DZANK1: variants seen among roughly 807,000 people sequenced by gnomAD.
DZANK1 encodes the protein double zinc ribbon and ankyrin repeat-containing protein 1.
DZANK1 carries 91 observed loss-of-function variants against 94.5 expected under a neutral mutation model. The observed-to-expected ratio is 0.96, with a 90% CI of 0.81 to 1.15. DZANK1 has a LOEUF of 1.15. Among genes scored for constraint, DZANK1 ranks in the 50% most tolerant of loss-of-function variants. The pLI is 0.00. For missense variants in DZANK1, 903 were observed against 916.4 expected (o/e 0.99, Z 0.19); for synonymous variants, 312 against 325.3 (o/e 0.96, Z 0.44).
rs1406305424 is a variant in DZANK1, at chr20:18,394,360, GA to G, written c.1612-11del. On this transcript the variant is annotated splice_polypyrimidine_tract_variant and intron_variant, in intron 15 of 20. Transcript: ENST00000262547. Reference sequence around the variant, plus strand: ...TGTTCAGGTAAAGGTTCTGGCCAATGAAAACATTTAAACACCATGAATGATG... The same window carrying G: ...TGTTCAGGTAAAGGTTCTGGCCAATGAAACATTTAAACACCATGAATGATG... The G allele has an allele frequency of 8.1e-6, 13 of 1,612,172 alleles. No homozygotes were observed. The African/African-American group carries it at 1.5e-4, about 18-fold the overall frequency.
chr20:18,433,264 C>T (rs1244578155), intron 9 of DZANK1: 6 of 217,784 alleles, frequency 2.8e-5, no homozygotes, highest in East Asian at 2.9e-4. Context: ...CCCATCCTGG[C>T]GGGCATGGTG....
intron 10 of DZANK1, among the ~76,000 whole-genome samples, chr20:18,426,380 A>G (rs2058044689): frequency 6.6e-6 from 1 of 151,654 alleles, no homozygotes; most frequent in Non-Finnish European, 1.5e-5. Flanking sequence ...GCTGTAGACC[A>G]TAATAACCAC....
chr20:18,436,886 C>G (rs144195642), intron 8 of DZANK1, among the ~76,000 whole-genome samples: 1 of 152,284 alleles, frequency 6.6e-6, no homozygotes, highest in East Asian at 1.9e-4. Flanking sequence ...ATGACAAATT[C>G]AAAGAGCTGA....
At chr20:18,451,936 T>C (rs777075120) in intron 6 of DZANK1, 1 of 518,886 alleles carries the variant, frequency 1.9e-6, no homozygotes, top group Non-Finnish European at 3.8e-6. Context: ...CAGAAAACTT[T>C]TAAATGTAAA....
chr20:18,457,701 AC>A, intron 3 of DZANK1, among the ~76,000 whole-genome samples: 1 of 152,202 alleles, frequency 6.6e-6, no homozygotes, highest in Non-Finnish European at 1.5e-5. Flanking sequence ...AGCAAAGCCC[AC>A]CCTTTCTCTT....
chr20:18,450,502 T>A (rs1406169938), intron 6 of DZANK1, among the ~76,000 whole-genome samples: 2 of 152,230 alleles, frequency 1.3e-5, no homozygotes, highest in African/African-American at 4.8e-5. Context: ...TTGGCTCCCA[T>A]AGTGTTTCAA....
At chr20:18,409,152 CAAAAATTTTTTAAATAAAAAATTT>C (rs982437802) in intron 13 of DZANK1, among the ~76,000 whole-genome samples, 35 of 152,080 alleles carry the variant, frequency 2.3e-4, no homozygotes, top group Middle Eastern at 3.4e-3. Flanking sequence ...TATGTACCCA[CAAAAATTTTTTAAATAAAAAATTT>C]AAAAATTTTT....
chr20:18,437,338 G>T (rs1398734581), intron 8 of DZANK1, among the ~76,000 whole-genome samples: 1 of 152,182 alleles, frequency 6.6e-6, no homozygotes, highest in Non-Finnish European at 1.5e-5. Flanking sequence ...CAGCACTTTG[G>T]GAGGCCAAGG....
At chr20:18,414,550 A>T in intron 11 of DZANK1, 38 bp from the exon 12 acceptor site, 2 of 1,551,970 alleles carry the variant, frequency 1.3e-6, no homozygotes, top group Non-Finnish European at 1.7e-6. Context: ...TATTAGAGTT[A>T]TAATTTCCTC....
chr20:18,432,216 C>T (rs552034845), intron 9 of DZANK1, among the ~76,000 whole-genome samples: 1 of 152,266 alleles, frequency 6.6e-6, no homozygotes, highest in South Asian at 2.1e-4. Context: ...CTAACACTTA[C>T]CCCTATTCTT....
At chr20:18,417,156 TA>T (rs1174325790) in intron 10 of DZANK1, among the ~76,000 whole-genome samples, 1 of 152,122 alleles carries the variant, frequency 6.6e-6, no homozygotes, top group African/African-American at 2.4e-5. Flanking sequence ...ACTACAGAGA[TA>T]AGTATTATCC....
At chr20:18,405,133 T>C (rs1373973499) in intron 13 of DZANK1, among the ~76,000 whole-genome samples, 1 of 147,240 alleles carries the variant, frequency 6.8e-6, no homozygotes, top group Non-Finnish European at 1.5e-5. Flanking sequence ...GAGTTTGAGA[T>C]TGCAGTGAGC....
chr20:18,424,901 G>A lies in DZANK1; in HGVS notation c.954+2166C>T, dbSNP rs917208108. The stretch of plus-strand genomic sequence containing the variant: ...AATCAATACATGCAACAACATGAAC[G>A]AACCTCAAAAACATTCTGCTAAGTG... On this transcript the variant is annotated intron_variant, in intron 10 of 20. Transcript: ENST00000262547. Among the ~76,000 whole-genome samples the A allele has an allele frequency of 7.2e-5, 11 of 152,130 alleles. 1 individual carries two copies. In the South Asian group the frequency reaches 2.3e-3, roughly 32 times the overall value.
At chr20:18,393,252 A>G (rs2056120844) in intron 17 of DZANK1, among the ~76,000 whole-genome samples, 1 of 152,152 alleles carries the variant, frequency 6.6e-6, no homozygotes, top group African/African-American at 2.4e-5. Flanking sequence ...CACCAGCAAC[A>G]CAGGGGATCT....
At chr20:18,443,444 G>A (rs757404761) in exon 8 of DZANK1, 2 of 1,491,840 alleles carry the variant, frequency 1.3e-6, no homozygotes, top group African/African-American at 1.4e-5. Flanking sequence ...TGATGGCCGG[G>A]GGGCAAGGCA....
At chr20:18,411,709 A>C (rs1191997540) in intron 13 of DZANK1, among the ~76,000 whole-genome samples, 1 of 152,236 alleles carries the variant, frequency 6.6e-6, no homozygotes, top group Non-Finnish European at 1.5e-5. Flanking sequence ...TCTTCAAGAA[A>C]ATACTAGCAA....
chr20:18,387,363 T>G (rs1418485850), intron 19 of DZANK1, among the ~76,000 whole-genome samples: 1 of 152,242 alleles, frequency 6.6e-6, no homozygotes, highest in East Asian at 1.9e-4. Context: ...AATTTGTATT[T>G]TAAAGAAACT....
At chr20:18,409,222 C>T (rs2057111239) in intron 13 of DZANK1, among the ~76,000 whole-genome samples, 1 of 151,640 alleles carries the variant, frequency 6.6e-6, no homozygotes, top group Non-Finnish European at 1.5e-5. Context: ...GTAGGATAAA[C>T]CCAAAGAGAT....
intron 13 of DZANK1, among the ~76,000 whole-genome samples, chr20:18,408,509 A>G (rs1022662629): frequency 1.3e-5 from 2 of 152,224 alleles, no homozygotes; most frequent in African/African-American, 2.4e-5. Flanking sequence ...TCCTAAAAGC[A>G]GCAAGAGAAG....
Sources: gnomAD v4.1 joint callset for allele counts (sites outside exome capture counted in the v4.1 genomes callset) on GRCh38, gnomAD v4.1.1 for gene constraint, MANE v1.5 for transcripts, NCBI Gene and HGNC (gene_info 2026-07-23, HGNC 2026-07-21) for gene names.